The following SYPL1 variants were observed in gnomAD, a reference collection of about 807,000 sequenced individuals.
The protein encoded by SYPL1 is synaptophysin like 1.
SYPL1 carries 6 observed loss-of-function variants against 23.7 expected under a neutral mutation model. That is an observed-to-expected ratio of 0.25 (90% confidence interval 0.14 to 0.50). The LOEUF (loss-of-function observed/expected upper bound fraction) is 0.50. Ranked by LOEUF, SYPL1 falls within the 20% of genes least tolerant of loss-of-function variation. SYPL1 has a pLI of 0.98. For synonymous variants in SYPL1, 102 were observed against 104.5 expected, an observed-to-expected ratio of 0.98 and a Z score of 0.15; for missense variants, 253 against 288.9, an observed-to-expected ratio of 0.88 and a Z score of 0.90.
In SYPL1 at chr7:106,097,610, T is replaced by C; in HGVS notation, c.402+80A>G. The C allele has an allele frequency of 7.6e-7, 1 of 1,322,756 alleles. No individual in the cohort carries two copies. Among genetic ancestry groups the C allele is most frequent in the Non-Finnish European group, 1.0e-6 (1 of 982,722 alleles). The allele number at this position is 1,322,756 out of a possible 1,614,324, so 81.9% of individuals were successfully genotyped here. On this transcript the variant is annotated intron_variant, in intron 3 of 4. Coordinates refer to ENST00000455385, the MANE Select transcript of SYPL1 (RefSeq NM_182715.4). The surrounding 1 kb of genome is among the most constrained non-coding windows in gnomAD (Gnocchi z 4.6). ...ATGCTGAACTGGCTTACACCAAGAA[T>C]TTTTATTTCCAGTATAAGAAAATCT...
In SYPL1 at chr7:106,091,833, C is replaced by T. The variant is rs759811059; in HGVS notation, c.698G>A (p.Gly233Glu). Residue 233 changes from glycine to glutamate, a missense_variant, in exon 5 of 5, where the codon GGA becomes GAA. Gly to Glu is a moderately conservative substitution (Grantham distance 98). Coordinates refer to ENST00000455385, the MANE Select transcript of SYPL1 (RefSeq NM_182715.4). This position sits in a 1 kb window ranked among gnomAD's most constrained non-coding sequence, Gnocchi z 5.0. ...TATTCCGGTAGGAGGTGGAATACCT[C>T]CTTGGCTATGAGGGGCAGATGTATT... ...PSNTSAPHSQGGIPPPTGI is the reference protein window; with the variant it reads ...PSNTSAPHSQEGIPPPTGI 27 of 1,613,176 alleles carry T rather than the reference C, an allele frequency of 1.7e-5. No individual in the cohort carries two copies. Among genetic ancestry groups the T allele is most frequent in the Non-Finnish European group, 2.2e-5 (26 of 1,179,680 alleles).
rs1228178052 is a variant in SYPL1, at chr7:106,104,879, G to A, written c.70-5597C>T. 5.3e-5 allele frequency among the ~76,000 whole-genome samples: 8 copies of A among 152,044 alleles called. No homozygotes were observed. Among genetic ancestry groups the A allele is most frequent in the African/African-American group, 1.9e-4 (8 of 41,370 alleles). On this transcript the variant is annotated intron_variant, in intron 1 of 4. Transcript: ENST00000455385. This position sits in a 1 kb window ranked among gnomAD's most constrained non-coding sequence, Gnocchi z 4.1. ...TACTGGCAGCCTGTTGGTAAAACCC[G>A]GCCTGCAAATATATTTGTGTGGCCT...
upstream of SYPL1, chr7:106,112,374 G>A (rs176502): frequency 0.45 from 581,215 of 1,285,888 alleles, 133,629 homozygotes; most frequent in South Asian, 0.57. Context: ...GAGCGGCGGC[G>A]GTTGAGCTGC....
At position 106,104,162 on chromosome 7, in the gene SYPL1, T is replaced by C. The variant is rs1840468837; in HGVS notation, c.70-4880A>G. The stretch of plus-strand genomic sequence containing the variant: ...ACCCAATTCCCTGTGGTAGAACTCA[T>C]GATTCTTCTCTTGAGCTATCATAGA... On this transcript the variant is annotated intron_variant, in intron 1 of 4. Coordinates refer to ENST00000455385, the MANE Select transcript of SYPL1 (RefSeq NM_182715.4). The surrounding 1 kb of genome is among the most constrained non-coding windows in gnomAD (Gnocchi z 4.1). Among the ~76,000 whole-genome samples the C allele has an allele frequency of 6.6e-6, 1 of 152,240 alleles. No individual in the cohort carries two copies. The highest frequency in any genetic ancestry group is 6.5e-5 in the Admixed American group (1 of 15,288).
intron 1 of SYPL1, among the ~76,000 whole-genome samples, chr7:106,106,574 G>C (rs1002995842): frequency 4.6e-5 from 7 of 150,878 alleles, no homozygotes; most frequent in Non-Finnish European, 8.9e-5. Flanking sequence ...GACTCTGGAG[G>C]CTGGGTGCAG....
At chr7:106,112,464 C>A, upstream of SYPL1, 2 of 1,487,852 alleles carry the variant, frequency 1.3e-6, no homozygotes, top group Non-Finnish European at 1.8e-6. Context: ...CGGGAGGCTT[C>A]TCCTCAGGCC....
intron 3 of SYPL1, among the ~76,000 whole-genome samples, chr7:106,094,484 G>T (rs764664321): frequency 6.6e-6 from 1 of 152,292 alleles, no homozygotes; most frequent in East Asian, 1.9e-4. Context: ...TGAGCTCTCT[G>T]CTGCTACTTG....
In SYPL1 at chr7:106,112,250, G is replaced by A. The variant is rs763800615; in HGVS notation, c.-42C>T. 12 of 1,515,876 alleles carry A rather than the reference G, an allele frequency of 7.9e-6. No individual in the cohort carries two copies. The East Asian group carries it at 1.3e-4, about 17-fold the overall frequency. The allele number at this position is 1,515,876 out of a possible 1,614,324, so 93.9% of individuals were successfully genotyped here. ...GGAGAGAGAGTCAGGACGACGGGGC[G>A]GAGGAGGGGACCGACGAGACCAGAG... On this transcript the variant is annotated 5_prime_UTR_variant, in exon 1 of 5. Transcript: ENST00000455385.
chr7:106,092,962 A>T lies in SYPL1; in HGVS notation c.578T>A (p.Leu193Gln). 7 of 1,586,090 alleles carry T rather than the reference A, an allele frequency of 4.4e-6. No homozygotes were observed. Among genetic ancestry groups the T allele is most frequent in the Non-Finnish European group, 6.0e-6 (7 of 1,168,970 alleles). The change falls in exon 4 of 5, where the codon CTA becomes CAA. Residue 193 changes from leucine to glutamine, a missense_variant. Coordinates refer to ENST00000455385, the MANE Select transcript of SYPL1 (RefSeq NM_182715.4). ...ATGCATACATACCACAGATACATTT[A>T]GGGATCCCATACTGGTCACAGAGCC... Reference protein sequence around the residue: ...YFGSVTSMGSLNVSVIFGFLN... With the variant: ...YFGSVTSMGSQNVSVIFGFLN...
Position 106,093,063 on chromosome 7 carries a change from A to C in SYPL1, c.477T>G (p.Asp159Glu). 1 of 1,613,912 alleles carries C rather than the reference A, an allele frequency of 6.2e-7. No individual in the cohort carries two copies. Among genetic ancestry groups the C allele is most frequent in the Non-Finnish European group, 8.5e-7 (1 of 1,179,882 alleles). ...TATTGTGACCAGTAGCTATTTTAAT[A>C]TCTGTCAGAGCTTTAGCCCAGGCTG... The part of the protein sequence containing the change: ...STSAWAKALT[D>E]IKIATGHNII... The change falls in exon 4 of 5, where the codon GAT becomes GAG. Residue 159 changes from aspartate (D) to glutamate (E), a missense_variant. By Grantham distance (45) the Asp-to-Glu change is conservative (BLOSUM62 2). Transcript: ENST00000455385.
rs1367546495 is a variant in SYPL1, at chr7:106,095,741, G to T, written c.402+1949C>A. Among the ~76,000 whole-genome samples, 1 of 152,120 alleles carries T rather than the reference G, an allele frequency of 6.6e-6. No homozygotes were observed. The highest frequency in any genetic ancestry group is 2.4e-5 in the African/African-American group (1 of 41,420). On this transcript the variant is annotated intron_variant, in intron 3 of 4. Coordinates refer to ENST00000455385, the MANE Select transcript of SYPL1 (RefSeq NM_182715.4). The surrounding 1 kb of genome is among the most constrained non-coding windows in gnomAD (Gnocchi z 4.3). ...GAAGCTAGACTTTTATAGACAAGAA[G>T]CACCCATTATGTAACAATAAAAACC...
chr7:106,095,983 A>AT lies in SYPL1; in HGVS notation c.402+1706dup. On this transcript the variant is annotated intron_variant, in intron 3 of 4. Coordinates refer to ENST00000455385, the MANE Select transcript of SYPL1 (RefSeq NM_182715.4). This position sits in a 1 kb window ranked among gnomAD's most constrained non-coding sequence, Gnocchi z 4.3. ...AATATGAGAAATAAAGGGCACACTG[A>AT]TAGATTTAGTAAAAAAATTTGTTGG... Among the ~76,000 whole-genome samples, 1 of 152,358 alleles carries AT rather than the reference A, an allele frequency of 6.6e-6. No homozygotes were observed. Among genetic ancestry groups the AT allele is most frequent in the Middle Eastern group, 3.4e-3 (1 of 294 alleles).
intron 1 of SYPL1, among the ~76,000 whole-genome samples, chr7:106,111,306 A>G (rs573834612): frequency 2.0e-4 from 31 of 152,376 alleles, no homozygotes; most frequent in African/African-American, 7.2e-4. Flanking sequence ...CTATAAACAC[A>G]ACTTGCCTGC....
At chr7:106,107,984 C>G (rs528363682) in intron 1 of SYPL1, among the ~76,000 whole-genome samples, 1 of 151,968 alleles carries the variant, frequency 6.6e-6, no homozygotes, top group East Asian at 1.9e-4. Context: ...CACTTGAGGT[C>G]AGGAGTTAGA....
chr7:106,101,550 T>C (rs1840322769), intron 1 of SYPL1, among the ~76,000 whole-genome samples: 1 of 144,754 alleles, frequency 6.9e-6, no homozygotes, highest in African/African-American at 2.5e-5. Context: ...GGGTCTTAAC[T>C]GTTAAGAGGT....
rs191007993 is a variant in SYPL1 at position 106,100,146 on chromosome 7, T to C, written c.70-864A>G. On this transcript the variant is annotated intron_variant, in intron 1 of 4. Coordinates refer to ENST00000455385, the MANE Select transcript of SYPL1 (RefSeq NM_182715.4). The surrounding 1 kb of genome is among the most constrained non-coding windows in gnomAD (Gnocchi z 5.1). The stretch of plus-strand genomic sequence containing the variant: ...TCAGCAGAGAAGAGACACTATTTCA[T>C]GAGCCTGTTAAACCTCCCTTGTGGG... Among the ~76,000 whole-genome samples, 2 of 152,350 alleles carry C rather than the reference T, an allele frequency of 1.3e-5. No homozygotes were observed. The highest frequency in any genetic ancestry group is 1.3e-4 in the Admixed American group (2 of 15,306).
Position 106,112,222 on chromosome 7 carries a change from G to A in SYPL1, c.-14C>T. ...GAAGCCGGACATCCTCTGAGGAAAG[G>A]AGGGAGAGAGAGTCAGGACGACGGG... On this transcript the variant is annotated 5_prime_UTR_variant, in exon 1 of 5. Coordinates refer to ENST00000455385, the MANE Select transcript of SYPL1 (RefSeq NM_182715.4). The A allele has an allele frequency of 6.5e-7, 1 of 1,534,538 alleles. No homozygotes were observed. The highest frequency in any genetic ancestry group is 1.2e-5 in the South Asian group (1 of 84,084).
Sources: gnomAD v4.1 joint callset for allele counts (sites outside exome capture counted in the v4.1 genomes callset) on GRCh38, gnomAD v4.1.1 for gene constraint, Gnocchi (gnomAD v3.1) non-coding constraint, MANE v1.5 for transcripts, NCBI Gene and HGNC (gene_info 2026-07-23, HGNC 2026-07-21) for gene names.